The following LSR variants were observed in gnomAD, a reference collection of about 807,000 sequenced individuals.
The protein encoded by LSR is lipolysis stimulated lipoprotein receptor, also known as lipolysis-stimulated lipoprotein receptor.
A neutral mutation model predicts 61.8 loss-of-function variants in LSR; 44 were observed. The observed-to-expected ratio is 0.71, with a 90% CI of 0.56 to 0.91. The LOEUF is 0.91. Among genes scored for constraint, LSR ranks in the 40% least tolerant of loss-of-function variants. LSR has a pLI of 0.00. For synonymous variants in LSR, 397 were observed against 350.6 expected (o/e 1.13, Z -1.48); for missense variants, 911 against 830.5 (o/e 1.10, Z -1.19).
chr19:35,258,894 T>C, intron 2 of LSR, 51 bp from the exon 3 acceptor site: 1 of 1,611,092 alleles, frequency 6.2e-7, no homozygotes, highest in East Asian at 2.2e-5. Flanking sequence ...CCTCCAGGGG[T>C]TAGGTGCCCC....
chr19:35,260,787 A>G (rs1373019626), intron 3 of LSR, among the ~76,000 whole-genome samples: 1 of 151,884 alleles, frequency 6.6e-6, no homozygotes, highest in African/African-American at 2.4e-5. Context: ...TGACTATGCT[A>G]CTGCACTCTA....
At chr19:35,260,856 G>C (rs4806125) in intron 3 of LSR, among the ~76,000 whole-genome samples, 1 of 151,236 alleles carries the variant, frequency 6.6e-6, no homozygotes, top group Non-Finnish European at 1.5e-5. Flanking sequence ...ACACACACAC[G>C]CATATAGTCC....
rs771235856 is a variant in LSR, at chr19:35,266,941, G to GC, written c.1125dup (p.Ser376GlnfsTer10). 2.9e-5 allele frequency: 46 copies of GC among 1,613,298 alleles called. No homozygotes were observed. Among genetic ancestry groups the GC allele is most frequent in the East Asian group, 6.7e-5 (3 of 44,876 alleles). Reference sequence around the variant, plus strand: ...GCCAACTTCGACCCTTCTCGACCTGGCCCCCCCAGTGGCCGTGTGGAGCGG... The same window carrying GC: ...GCCAACTTCGACCCTTCTCGACCTGGCCCCCCCCAGTGGCCGTGTGGAGCGG... On this transcript the variant is annotated frameshift_variant, in exon 8 of 10. Transcript: ENST00000605618. LOFTEE classifies it high-confidence loss of function.
chr19:35,250,770 G>T, intron 2 of LSR, 111 bp downstream of exon 2: 3 of 726,050 alleles, frequency 4.1e-6, no homozygotes, highest in African/African-American at 1.8e-5. Context: ...GCCAGTGTCT[G>T]AAAGGACCAT....
Position 35,262,628 on chromosome 19 carries a change from G to A in LSR, c.714G>A (p.Pro238=), listed in dbSNP as rs761303883. The change falls in exon 5 of 10, where the codon CCG becomes CCA. Residue 238 remains proline (P), a synonymous_variant. Transcript: ENST00000605618. ...LLGICWCQCC[P]HTCCCYVRCP... ...GCATCTGCTGGTGCCAGTGCTGCCC[G>A]CACACTTGCTGCTGCTACGTCAGGT... The A allele has an allele frequency of 1.8e-5, 29 of 1,614,088 alleles. No homozygotes were observed. The highest frequency in any genetic ancestry group is 1.2e-4 in the South Asian group (11 of 91,080).
At position 35,267,412 on chromosome 19, in the gene LSR, G is replaced by A. The variant is rs760805532; in HGVS notation, c.1448G>A (p.Arg483Gln). ...TACATGCCCCCGCGGAGCCGCAGCC[G>A]GGACGACCTCTATGACCAAGACGAC... Reference protein sequence around the residue: ...RAYMPPRSRSRDDLYDQDDSR... With the variant: ...RAYMPPRSRSQDDLYDQDDSR... The change falls in exon 9 of 10, where the codon CGG (arginine) becomes CAG (glutamine). Residue 483 changes from arginine to glutamine, a missense_variant. By Grantham distance (43) the Arg-to-Gln change is conservative. Transcript: ENST00000605618. 5 of 1,609,192 alleles carry A rather than the reference G, an allele frequency of 3.1e-6. No homozygotes were observed. Among genetic ancestry groups the A allele is most frequent in the African/African-American group, 1.3e-5 (1 of 74,992 alleles).
intron 1 of LSR, 150 bp from the exon 2 acceptor site, chr19:35,250,165 C>G (rs987643013): frequency 3.6e-6 from 2 of 552,288 alleles, no homozygotes; most frequent in African/African-American, 3.8e-5. Flanking sequence ...TCGTGGCTAC[C>G]TCACTGGTCC....
At chr19:35,265,648 G>A (rs1463551771) in intron 5 of LSR, among the ~76,000 whole-genome samples, 1 of 152,216 alleles carries the variant, frequency 6.6e-6, no homozygotes, top group Middle Eastern at 3.2e-3. Flanking sequence ...AGGAAGGAAG[G>A]GAGGAGGATC....
intron 4 of LSR, 52 bp downstream of exon 4, chr19:35,262,033 C>A: frequency 6.9e-7 from 1 of 1,444,176 alleles, no homozygotes; most frequent in Non-Finnish European, 9.3e-7. Flanking sequence ...CATACATCAC[C>A]TACTGCTTCT....
chr19:35,265,263 G>A (rs2065982049), intron 5 of LSR, among the ~76,000 whole-genome samples: 1 of 152,126 alleles, frequency 6.6e-6, no homozygotes, highest in Admixed American at 6.5e-5. Flanking sequence ...CAGAGCTAGG[G>A]CCAGGACTAA....
chr19:35,261,940 T>C lies in LSR; in HGVS notation c.590T>C (p.Val197Ala), dbSNP rs779239531. The C allele has an allele frequency of 6.7e-7, 1 of 1,487,004 alleles. No homozygotes were observed. The highest frequency in any genetic ancestry group is 8.9e-7 in the Non-Finnish European group (1 of 1,125,132). 92.1% of individuals were successfully genotyped at this position (1,487,004 alleles called of 1,614,324 possible). The change falls in exon 4 of 10, where the codon GTG becomes GCG. Residue 197 changes from valine to alanine, a missense_variant. Val to Ala is a moderately conservative substitution (Grantham distance 64). Coordinates refer to ENST00000605618, the MANE Select transcript of LSR (RefSeq NM_205834.4). ...GTCCCTCCAGGGAGGACCTCAGGGG[T>C]GGCTGAGCTCTTACCTGGTTTTCAG... ...ELIVLGRTSG[V>A]AELLPGFQAG... is the part of the protein sequence containing the mutation.
At chr19:35,254,344 C>G (rs561056672) in intron 2 of LSR, among the ~76,000 whole-genome samples, 1 of 152,362 alleles carries the variant, frequency 6.6e-6, no homozygotes, top group Admixed American at 6.5e-5. Flanking sequence ...GATCTGCCTG[C>G]CTTGGCCTCC....
intron 5 of LSR, among the ~76,000 whole-genome samples, chr19:35,265,571 G>C (rs2065986293): frequency 6.6e-6 from 1 of 152,176 alleles, no homozygotes; most frequent in South Asian, 2.1e-4. Context: ...CCATTTTCCT[G>C]TTGGGGTCCC....
chr19:35,267,447 T>C lies in LSR; in HGVS notation c.1483T>C (p.Phe495Leu), dbSNP rs1370089710. Residue 495 changes from phenylalanine (F) to leucine (L), a missense_variant, in exon 9 of 10, where the codon TTC becomes CTC. Coordinates refer to ENST00000605618, the MANE Select transcript of LSR (RefSeq NM_205834.4). The stretch of plus-strand genomic sequence containing the variant: ...CTATGACCAAGACGACTCGAGGGAC[T>C]TCCCACGCTCCCGGGACCCCCACTA... The part of the protein sequence containing the change: ...DLYDQDDSRD[F>L]PRSRDPHYDD... 4 of 1,610,660 alleles carry C rather than the reference T, an allele frequency of 2.5e-6. No homozygotes were observed. Among genetic ancestry groups the C allele is most frequent in the Non-Finnish European group, 8.5e-7 (1 of 1,179,398 alleles).
chr19:35,257,418 C>T (rs1467666382), intron 2 of LSR, among the ~76,000 whole-genome samples: 1 of 152,114 alleles, frequency 6.6e-6, no homozygotes, highest in Non-Finnish European at 1.5e-5. Context: ...GCCTTGGGGA[C>T]CATGGGACTA....
intron 5 of LSR, chr19:35,263,080 G>A (rs992085989): frequency 5.9e-6 from 1 of 168,136 alleles, no homozygotes; most frequent in African/African-American, 2.4e-5. Flanking sequence ...AGGAGTTCCA[G>A]ATCAGCCTGG....
intron 1 of LSR, 93 bp from the exon 2 acceptor site, chr19:35,250,222 C>A: frequency 3.7e-6 from 3 of 804,492 alleles, no homozygotes; most frequent in Non-Finnish European, 6.0e-6. Flanking sequence ...AAACCACATA[C>A]TTGCGAGTGT....
chr19:35,264,525 C>T (rs942559624), intron 5 of LSR: 12 of 152,300 alleles, frequency 7.9e-5, no homozygotes, highest in East Asian at 1.9e-4. Context: ...GCTGCTGTCC[C>T]GTTTCCCCTC....
chr19:35,267,155 G>A lies in LSR; in HGVS notation c.1191G>A (p.Arg397=). Residue 397 remains arginine, a synonymous_variant, in exon 9 of 10, where the codon CGG becomes CGA. Coordinates refer to ENST00000605618, the MANE Select transcript of LSR (RefSeq NM_205834.4). ...TSLHEDDWRS[R]PSRGPALTPI... is the part of the protein sequence containing the mutation. The stretch of plus-strand genomic sequence containing the variant: ...TCCACGAGGACGACTGGCGATCTCG[G>A]CCTTCCCGGGGCCCTGCCCTCACCC... 3 of 1,529,630 alleles carry A rather than the reference G, an allele frequency of 2.0e-6. No homozygotes were observed. The highest frequency in any genetic ancestry group is 2.6e-6 in the Non-Finnish European group (3 of 1,142,896). 94.8% of individuals were successfully genotyped at this position (1,529,630 alleles called of 1,614,324 possible).
Sources: allele counts gnomAD v4.1 joint callset (sites outside exome capture counted in the v4.1 genomes callset), GRCh38; gene constraint gnomAD v4.1.1; transcripts MANE v1.5; gene names NCBI Gene and HGNC (gene_info 2026-07-23, HGNC 2026-07-21).